The following EIF2B3 variants were observed in gnomAD, a reference collection of about 807,000 sequenced individuals.
EIF2B3 encodes the protein translation initiation factor eIF2B subunit gamma.
A neutral mutation model predicts 54.1 loss-of-function variants in EIF2B3; 20 were observed. That is an observed-to-expected ratio of 0.37 (90% CI 0.26 to 0.54). The LOEUF (loss-of-function observed/expected upper bound fraction) is 0.54, where lower values mean the gene tolerates loss of function less well. Ranked by LOEUF, EIF2B3 falls within the 20% of genes least tolerant of loss-of-function variation. EIF2B3 has a pLI of 0.86. For missense variants in EIF2B3, 448 were observed against 547.8 expected (o/e 0.82, Z 1.82); for synonymous variants, 153 against 188.1 (o/e 0.81, Z 1.52).
chr1:44,868,242 C>CA (rs1036774930), intron 10 of EIF2B3, among the ~76,000 whole-genome samples: 5 of 151,608 alleles, frequency 3.3e-5, no homozygotes, highest in African/African-American at 9.7e-5. Context: ...ACTAAAAATA[C>CA]AAAAAATTAG....
At chr1:44,852,789 A>AC (rs1186653818) in intron 11 of EIF2B3, among the ~76,000 whole-genome samples, 1 of 152,036 alleles carries the variant, frequency 6.6e-6, no homozygotes, top group African/African-American at 2.4e-5. Flanking sequence ...CAAAAAAAAA[A>AC]AAAAAAACAA....
At chr1:44,933,819 A>G (rs946734336) in intron 4 of EIF2B3, among the ~76,000 whole-genome samples, 2 of 152,080 alleles carry the variant, frequency 1.3e-5, no homozygotes, top group Admixed American at 1.3e-4. Flanking sequence ...CAAGACAAAC[A>G]CTTGGTAAAT....
chr1:44,976,948 G>C (rs1373260762), intron 3 of EIF2B3, among the ~76,000 whole-genome samples: 1 of 152,168 alleles, frequency 6.6e-6, no homozygotes, highest in Non-Finnish European at 1.5e-5. Context: ...TCTAGATTTG[G>C]ATAATGGTAA....
intron 3 of EIF2B3, among the ~76,000 whole-genome samples, chr1:44,978,099 C>T (rs557875906): frequency 1.3e-5 from 2 of 152,174 alleles, no homozygotes; most frequent in African/African-American, 4.8e-5. Context: ...GGCACGGTGG[C>T]GTATGCCTGT....
chr1:44,877,212 A>AAAAAAAAAAAAAAAAAAAAAAAC (rs1557666558), intron 8 of EIF2B3, among the ~76,000 whole-genome samples: 1 of 148,054 alleles, frequency 6.8e-6, no homozygotes, highest in African/African-American at 2.5e-5. Flanking sequence ...AAAAAAAAAA[A>AAAAAAAAAAAAAAAAAAAAAAAC]AAAAAAAAAA....
chr1:44,937,379 T>A (rs1007357284), intron 4 of EIF2B3: 2 of 152,118 alleles, frequency 1.3e-5, no homozygotes, highest in Non-Finnish European at 2.9e-5. Context: ...ACAGATATGA[T>A]CCCTTCCCTT....
intron 5 of EIF2B3, among the ~76,000 whole-genome samples, chr1:44,923,805 CT>C (rs1237685030): frequency 2.0e-5 from 3 of 151,214 alleles, no homozygotes; most frequent in African/African-American, 7.3e-5. Context: ...TTCTCTCTTT[CT>C]TTCTTTCATT....
At chr1:44,910,840 CTCTT>C (rs547308840) in intron 5 of EIF2B3, among the ~76,000 whole-genome samples, 15 of 152,018 alleles carry the variant, frequency 9.9e-5, no homozygotes, top group East Asian at 3.9e-4. Context: ...TTTTCTCTCT[CTCTT>C]TCTTTTTTAA....
intron 8 of EIF2B3, among the ~76,000 whole-genome samples, chr1:44,876,987 C>T (rs1174924611): frequency 6.7e-6 from 1 of 148,560 alleles, no homozygotes; most frequent in Non-Finnish European, 1.5e-5. Flanking sequence ...TAAACAGATG[C>T]TTGAAGGCAG....
At chr1:44,893,357 G>A (rs879433169) in intron 6 of EIF2B3, among the ~76,000 whole-genome samples, 3 of 152,164 alleles carry the variant, frequency 2.0e-5, no homozygotes, top group African/African-American at 7.2e-5. Context: ...TGACATAGCT[G>A]AGGCAAGGAA....
intron 3 of EIF2B3, among the ~76,000 whole-genome samples, chr1:44,965,634 CTTTTTTTTTT>C (rs386366856): frequency 2.0e-5 from 2 of 102,400 alleles, no homozygotes; most frequent in African/African-American, 7.9e-5. Context: ...ACAAATGCAT[CTTTTTTTTTT>C]TTTTTTTTTT....
chr1:44,882,350 T>C (rs1655426918), intron 6 of EIF2B3, among the ~76,000 whole-genome samples: 1 of 152,134 alleles, frequency 6.6e-6, no homozygotes. Context: ...GTGAAAGAAA[T>C]CTGACCTAAT....
chr1:44,958,712 C>T, intron 3 of EIF2B3: 3 of 1,591,470 alleles, frequency 1.9e-6, no homozygotes, highest in Non-Finnish European at 2.6e-6. Flanking sequence ...CTGCCTGAAA[C>T]AGTACCCTTT....
intron 3 of EIF2B3, among the ~76,000 whole-genome samples, chr1:44,965,345 T>A (rs1480006144): frequency 6.6e-6 from 1 of 152,182 alleles, no homozygotes; most frequent in Non-Finnish European, 1.5e-5. Context: ...AATCTACATA[T>A]AAAATTCTAC....
chr1:44,942,575 G>A lies in EIF2B3; in HGVS notation c.295-910C>T, dbSNP rs984150278. ...CCCAAGTAGCTGGGACTACAGGTAT[G>A]TACCACCACACTTGGCTAATTTTTA... On this transcript the variant is annotated intron_variant, in intron 3 of 11. Coordinates refer to ENST00000360403, the MANE Select transcript of EIF2B3 (RefSeq NM_020365.5). 5.4e-5 allele frequency among the ~76,000 whole-genome samples: 8 copies of A among 147,368 alleles called. No homozygotes were observed. The East Asian group carries it at 1.4e-3, about 26-fold the overall frequency.
At chr1:44,969,744 A>T (rs1644381755) in intron 3 of EIF2B3, among the ~76,000 whole-genome samples, 1 of 152,200 alleles carries the variant, frequency 6.6e-6, no homozygotes, top group African/African-American at 2.4e-5. Context: ...AAGTTTTAAA[A>T]TTTCCATATA....
intron 4 of EIF2B3, among the ~76,000 whole-genome samples, chr1:44,933,151 C>A (rs1372088026): frequency 2.0e-5 from 3 of 150,726 alleles, no homozygotes. Flanking sequence ...GAATTAGTGA[C>A]AAATACATAA....
At chr1:44,922,183 G>C (rs1358903286) in intron 5 of EIF2B3, among the ~76,000 whole-genome samples, 1 of 151,488 alleles carries the variant, frequency 6.6e-6, no homozygotes, top group East Asian at 2.0e-4. Context: ...CAAAGTGCTG[G>C]AATTACAGGC....
chr1:44,961,316 C>CAAAAAAAA (rs752610849), intron 3 of EIF2B3, among the ~76,000 whole-genome samples: 1 of 81,646 alleles, frequency 1.2e-5, no homozygotes, highest in Non-Finnish European at 2.4e-5. Flanking sequence ...GACCCTGTCT[C>CAAAAAAAA]AAAAAAAAAA....
Sources: allele counts gnomAD v4.1 joint callset (sites outside exome capture counted in the v4.1 genomes callset), GRCh38; gene constraint gnomAD v4.1.1; transcripts MANE v1.5; gene names NCBI Gene and HGNC (gene_info 2026-07-23, HGNC 2026-07-21).